The following RARB variants were observed in gnomAD, a reference collection of about 807,000 sequenced individuals.
RARB encodes HBV-activated protein.
A neutral mutation model predicts 51.9 loss-of-function variants in RARB; 17 were observed. The observed-to-expected ratio is 0.33, with a 90% CI of 0.22 to 0.49. RARB has a LOEUF of 0.49. Ranked by LOEUF, RARB falls within the 20% of genes least tolerant of loss-of-function variation. The pLI is 0.99. For missense variants in RARB, 369 were observed against 550.8 expected (o/e 0.67, Z 3.30); for synonymous variants, 215 against 195.4 (o/e 1.10, Z -0.84).
chr3:24,894,244 G>T (rs754353279), intron 2 of RARB, among the ~76,000 whole-genome samples: 3 of 151,722 alleles, frequency 2.0e-5, no homozygotes, highest in Non-Finnish European at 4.4e-5. Context: ...CCTGATAGGC[G>T]ATCTTTCAGC....
intron 3 of RARB, among the ~76,000 whole-genome samples, chr3:25,081,523 T>G (rs1311810403): frequency 7.0e-6 from 1 of 142,070 alleles, no homozygotes; most frequent in Non-Finnish European, 1.5e-5. Context: ...CATTAAAATC[T>G]CAAACTGTAA....
At chr3:25,299,896 A>G (rs927689631) in intron 5 of RARB, among the ~76,000 whole-genome samples, 3 of 152,246 alleles carry the variant, frequency 2.0e-5, no homozygotes, top group Non-Finnish European at 4.4e-5. Flanking sequence ...GAAAAGTCAA[A>G]TAATTGCATA....
At chr3:25,370,821 T>G (rs966314638) in intron 5 of RARB, among the ~76,000 whole-genome samples, 1 of 152,138 alleles carries the variant, frequency 6.6e-6, no homozygotes, top group Non-Finnish European at 1.5e-5. Flanking sequence ...TTCTAACAGA[T>G]CTGGGAGCCA....
At chr3:25,379,797 T>C (rs1034945184) in intron 5 of RARB, among the ~76,000 whole-genome samples, 8 of 152,216 alleles carry the variant, frequency 5.3e-5, no homozygotes, top group Admixed American at 2.6e-4. Flanking sequence ...ATGGCATATC[T>C]TAGAATGAAG....
At chr3:25,269,514 A>G (rs1466831953) in intron 5 of RARB, among the ~76,000 whole-genome samples, 1 of 152,146 alleles carries the variant, frequency 6.6e-6, no homozygotes, top group East Asian at 1.9e-4. Flanking sequence ...CGGCTGTTCA[A>G]TGTGGATACT....
intron 5 of RARB, among the ~76,000 whole-genome samples, chr3:25,282,718 C>T (rs1703556305): frequency 6.6e-6 from 1 of 152,174 alleles, no homozygotes; most frequent in South Asian, 2.1e-4. Context: ...TTCAAGGTCA[C>T]ACCACCATAA....
At chr3:25,019,574 G>A (rs934215476) in intron 2 of RARB, among the ~76,000 whole-genome samples, 6 of 152,074 alleles carry the variant, frequency 3.9e-5, no homozygotes, top group Non-Finnish European at 8.8e-5. Context: ...TACATGATGT[G>A]CTGTGAATGT....
chr3:25,015,911 A>G (rs1374267267), intron 2 of RARB, among the ~76,000 whole-genome samples: 1 of 152,138 alleles, frequency 6.6e-6, no homozygotes, highest in Non-Finnish European at 1.5e-5. Context: ...GACCCCTCCT[A>G]CCACAGCTCA....
At chr3:25,086,842 CTTA>C (rs1456582416) in intron 3 of RARB, among the ~76,000 whole-genome samples, 2 of 152,066 alleles carry the variant, frequency 1.3e-5, no homozygotes, top group African/African-American at 4.8e-5. Flanking sequence ...GAACAAGGTT[CTTA>C]TTATGCAGAT....
intron 5 of RARB, among the ~76,000 whole-genome samples, chr3:25,191,324 G>A (rs999181177): frequency 8.5e-5 from 13 of 152,054 alleles, no homozygotes; most frequent in African/African-American, 3.1e-4. Context: ...CTTCCTCTGG[G>A]CCCTTAACAC....
chr3:24,917,970 G>A (rs1695140528), intron 2 of RARB, among the ~76,000 whole-genome samples: 1 of 152,308 alleles, frequency 6.6e-6, no homozygotes, highest in Non-Finnish European at 1.5e-5. Flanking sequence ...AAGTGGTACA[G>A]CTACTTTAGG....
At chr3:24,870,558 C>G (rs1183677844) in intron 2 of RARB, among the ~76,000 whole-genome samples, 1 of 151,954 alleles carries the variant, frequency 6.6e-6, no homozygotes, top group Non-Finnish European at 1.5e-5. Flanking sequence ...AGCCTTCTAC[C>G]TATAGCATTA....
At chr3:25,498,355 A>C (rs1697140642) in intron 2 of RARB, among the ~76,000 whole-genome samples, 1 of 152,304 alleles carries the variant, frequency 6.6e-6, no homozygotes, top group East Asian at 1.9e-4. Flanking sequence ...ATGAAGGAGG[A>C]GGAGAATTTT....
At chr3:24,926,623 G>A (rs1179577074) in intron 2 of RARB, among the ~76,000 whole-genome samples, 3 of 152,018 alleles carry the variant, frequency 2.0e-5, no homozygotes, top group African/African-American at 7.2e-5. Flanking sequence ...GAAGCTGGGG[G>A]TGGCAAGGAG....
chr3:25,490,057 G>A (rs1478839461), intron 2 of RARB, among the ~76,000 whole-genome samples: 1 of 152,202 alleles, frequency 6.6e-6, no homozygotes, highest in Non-Finnish European at 1.5e-5. Flanking sequence ...AGAAGCAGAA[G>A]GCTACATCCA....
chr3:25,001,257 C>G (rs979343931), intron 2 of RARB, among the ~76,000 whole-genome samples: 2 of 151,986 alleles, frequency 1.3e-5, no homozygotes, highest in African/African-American at 2.4e-5. Context: ...AATATAAAAC[C>G]AGCTGTGGTT....
At chr3:24,975,529 A>G (rs955992056) in intron 2 of RARB, among the ~76,000 whole-genome samples, 1 of 152,184 alleles carries the variant, frequency 6.6e-6, no homozygotes, top group Non-Finnish European at 1.5e-5. Flanking sequence ...GAAAGAGAAT[A>G]CATACATTTA....
intron 5 of RARB, among the ~76,000 whole-genome samples, chr3:25,194,411 A>G (rs796287438): frequency 1.3e-4 from 19 of 151,642 alleles, no homozygotes; most frequent in African/African-American, 4.1e-4. Context: ...AAAGGTATCT[A>G]TGGAAGGTGA....
At chr3:25,034,948 C>A (rs1325840669) in intron 2 of RARB, among the ~76,000 whole-genome samples, 1 of 152,168 alleles carries the variant, frequency 6.6e-6, no homozygotes, top group African/African-American at 2.4e-5. Flanking sequence ...GCCACTGTCT[C>A]CACCACTGTG....
Sources: gnomAD v4.1 joint callset for allele counts (sites outside exome capture counted in the v4.1 genomes callset) on GRCh38, gnomAD v4.1.1 for gene constraint, MANE v1.5 for transcripts, NCBI Gene and HGNC (gene_info 2026-07-23, HGNC 2026-07-21) for gene names.